The following G6PC3 variants were observed in gnomAD, a reference collection of about 807,000 sequenced individuals.
The protein encoded by G6PC3 is glucose-6-phosphatase catalytic subunit 3.
A neutral mutation model predicts 38.6 loss-of-function variants in G6PC3; 30 were observed. The observed-to-expected ratio is 0.78, with a 90% CI of 0.58 to 1.05. The LOEUF is 1.05. G6PC3 is among the 50% of genes least tolerant of loss of function. The pLI is 0.00. For missense variants in G6PC3, 377 were observed against 443.1 expected (o/e 0.85, Z 1.34); for synonymous variants, 192 against 178.1 (o/e 1.08, Z -0.62).
intron 2 of G6PC3, 102 bp from the exon 3 acceptor site, chr17:44,074,578 C>G: frequency 1.0e-6 from 1 of 973,692 alleles, no homozygotes; most frequent in Non-Finnish European, 1.6e-6. Context: ...TGGGGAAAAG[C>G]TCTTCTCAGC....
In G6PC3 at chr17:44,075,708, G is replaced by A; in HGVS notation, c.706G>A (p.Glu236Lys). ...CATCAGCCTAGCCTTCAAGTGGTGT[G>A]AGCGGCCTGAGTGGATACACGTGGA... ...WSISLAFKWC[E>K]RPEWIHVDSR... The change falls in exon 6 of 6, where the codon GAG (glutamate) becomes AAG (lysine). Residue 236 changes from glutamate (E) to lysine (K), a missense_variant. Transcript: ENST00000269097. 6.2e-7 allele frequency: 1 copy of A among 1,612,360 alleles called. No individual in the cohort carries two copies. Among genetic ancestry groups the A allele is most frequent in the Middle Eastern group, 1.7e-4 (1 of 6,058 alleles).
chr17:44,071,843 G>A (rs749390357), intron 1 of G6PC3: 3 of 431,032 alleles, frequency 7.0e-6, no homozygotes, highest in African/African-American at 2.0e-5. Flanking sequence ...GTAAAGTTTG[G>A]GCTAAAGCAC....
chr17:44,071,229 G>T lies in G6PC3; in HGVS notation c.218+46G>T, dbSNP rs1269632942. On this transcript the variant is annotated intron_variant, in intron 1 of 5. Transcript: ENST00000269097. Reference sequence around the variant, plus strand: ...GGCATCCTGGTCCCCACCCCCGAGGGCCCTGAGTCATGTGTAAGCCCTGGT... The same window carrying T: ...GGCATCCTGGTCCCCACCCCCGAGGTCCCTGAGTCATGTGTAAGCCCTGGT... 3.1e-6 allele frequency: 5 copies of T among 1,591,522 alleles called. No homozygotes were observed. The African/African-American group carries it at 4.0e-5, about 13-fold the overall frequency.
In G6PC3 at chr17:44,070,779, G is replaced by A. The variant is rs1440403277; in HGVS notation, c.-187G>A. On this transcript the variant is annotated 5_prime_UTR_variant, in exon 1 of 6. Transcript: ENST00000269097. ...GGAGAGCGCAGGAGGAAACAGTACC[G>A]GCTGGAGGCCGGTCTTGCAGGAGCG... is the stretch of plus-strand genomic sequence containing the variant. 3 of 691,316 alleles carry A rather than the reference G, an allele frequency of 4.3e-6. No homozygotes were observed. Among genetic ancestry groups the A allele is most frequent in the Non-Finnish European group, 7.7e-6 (3 of 388,832 alleles). 42.8% of individuals were successfully genotyped at this position (691,316 alleles called of 1,614,324 possible).
intron 1 of G6PC3, chr17:44,071,423 G>A: frequency 1.5e-6 from 1 of 685,024 alleles, no homozygotes; most frequent in Non-Finnish European, 2.4e-6. Context: ...CACCTAAGGG[G>A]CGTGTCTAAA....
chr17:44,071,586 CT>C, intron 1 of G6PC3: 2 of 1,220,560 alleles, frequency 1.6e-6, no homozygotes, highest in Non-Finnish European at 2.1e-6. Context: ...TCTCAACTCA[CT>C]TTTTCATTCA....
intron 1 of G6PC3, chr17:44,071,835 A>G (rs1567968144): frequency 6.8e-6 from 3 of 442,300 alleles, no homozygotes; most frequent in Non-Finnish European, 1.4e-5. Flanking sequence ...CGTATGCAGT[A>G]AAGTTTGGGC....
intron 2 of G6PC3, 62 bp from the exon 3 acceptor site, chr17:44,074,618 C>A: frequency 1.4e-6 from 2 of 1,411,828 alleles, no homozygotes; most frequent in Non-Finnish European, 1.0e-6. Context: ...ATTGAGGCAT[C>A]ACCAGGGGCC....
In G6PC3 at chr17:44,075,732, G is replaced by T; in HGVS notation, c.730G>T (p.Asp244Tyr). The change falls in exon 6 of 6, where the codon GAT becomes TAT. Residue 244 changes from aspartate (D) to tyrosine (Y), a missense_variant. Coordinates refer to ENST00000269097, the MANE Select transcript of G6PC3 (RefSeq NM_138387.4). ...WCERPEWIHV[D>Y]SRPFASLSRD... ...TGAGCGGCCTGAGTGGATACACGTG[G>T]ATAGCCGGCCCTTTGCCTCCCTGAG... 6.2e-7 allele frequency: 1 copy of T among 1,612,820 alleles called. No homozygotes were observed.
At chr17:44,075,565 T>C (rs565362354) in intron 5 of G6PC3, 114 bp downstream of exon 5, 4 of 1,597,934 alleles carry the variant, frequency 2.5e-6, no homozygotes, top group Non-Finnish European at 3.4e-6. Flanking sequence ...CCTATTCACA[T>C]AGACCCTCAC....
chr17:44,071,067 T>C lies in G6PC3; in HGVS notation c.102T>C (p.Asp34=), dbSNP rs2049968691. The C allele has an allele frequency of 6.2e-7, 1 of 1,611,722 alleles. No individual in the cohort carries two copies. The highest frequency in any genetic ancestry group is 8.5e-7 in the Non-Finnish European group (1 of 1,178,990). Residue 34 remains aspartate (D), a synonymous_variant, in exon 1 of 6, where the codon GAT becomes GAC. Coordinates refer to ENST00000269097, the MANE Select transcript of G6PC3 (RefSeq NM_138387.4). ...NVWLWITFLG[D]PKILFLFYFP... is the part of the protein sequence containing the mutation. The stretch of plus-strand genomic sequence containing the variant: ...GGCTCTGGATCACCTTTCTGGGCGA[T>C]CCCAAGATCCTCTTTCTGTTCTACT...
chr17:44,075,595 G>C (rs2050082699), intron 5 of G6PC3, 85 bp from the exon 6 acceptor site: 1 of 1,602,514 alleles, frequency 6.2e-7, no homozygotes, highest in Non-Finnish European at 8.5e-7. Flanking sequence ...ACAGAACATG[G>C]GAGTGGGCCC....
rs779143230 is a variant in G6PC3 at position 44,075,889 on chromosome 17, C to T, written c.887C>T (p.Pro296Leu). 43 of 1,612,702 alleles carry T rather than the reference C, an allele frequency of 2.7e-5. No individual in the cohort carries two copies. The highest frequency in any genetic ancestry group is 3.4e-5 in the Non-Finnish European group (40 of 1,180,006). ...CLVLAMGLLG[P>L]LDWLGHPPQI... Reference sequence around the variant, plus strand: ...GTGCTGGCCATGGGGCTGCTGGGCCCCCTGGACTGGCTGGGCCACCCCCCT... The same window carrying T: ...GTGCTGGCCATGGGGCTGCTGGGCCTCCTGGACTGGCTGGGCCACCCCCCT... Residue 296 changes from proline (P) to leucine (L), a missense_variant, in exon 6 of 6, where the codon CCC becomes CTC. Coordinates refer to ENST00000269097, the MANE Select transcript of G6PC3 (RefSeq NM_138387.4).
rs1322365971 is a variant in G6PC3, at chr17:44,071,615, T to C, written c.218+432T>C. 3 of 1,269,936 alleles carry C rather than the reference T, an allele frequency of 2.4e-6. No homozygotes were observed. In the South Asian group the frequency reaches 3.8e-5, roughly 16 times the overall value. The allele number at this position is 1,269,936 out of a possible 1,614,324, so 78.7% of individuals were successfully genotyped here. A position where few individuals can be genotyped will look rare whatever the true frequency, so the allele number is the denominator to read the frequency against. On this transcript the variant is annotated intron_variant, in intron 1 of 5. Transcript: ENST00000269097. Reference sequence around the variant, plus strand: ...TTCATTCATGTATTCATTCATTTGCTATAATTTTTCAGAAGCATGCTTTGT... The same window carrying C: ...TTCATTCATGTATTCATTCATTTGCCATAATTTTTCAGAAGCATGCTTTGT...
At chr17:44,074,795 T>A (rs1013225389) in intron 3 of G6PC3, 25 bp downstream of exon 3, 1 of 1,604,768 alleles carries the variant, frequency 6.2e-7, no homozygotes, top group African/African-American at 1.3e-5. Flanking sequence ...TTGCCCACCA[T>A]TGGGAGCAGG....
intron 1 of G6PC3, chr17:44,071,777 C>T (rs1178678057): frequency 7.6e-6 from 4 of 526,010 alleles, no homozygotes; most frequent in Admixed American, 2.3e-5. Flanking sequence ...GCCAGAGCTA[C>T]TGAATCAAAA....
At chr17:44,071,504 A>T (rs1049147921) in intron 1 of G6PC3, 6 of 622,606 alleles carry the variant, frequency 9.6e-6, no homozygotes, top group Non-Finnish European at 1.5e-5. Flanking sequence ...TTTATTTTTT[A>T]TTTTTTATTT....
intron 2 of G6PC3, 95 bp from the exon 3 acceptor site, chr17:44,074,582 TCTC>T: frequency 9.8e-7 from 1 of 1,022,410 alleles, no homozygotes; most frequent in Non-Finnish European, 1.5e-6. Flanking sequence ...GAAAAGCTCT[TCTC>T]AGCCAGGAAA....
chr17:44,074,297 A>G, intron 2 of G6PC3, 31 bp downstream of exon 2: 2 of 1,505,746 alleles, frequency 1.3e-6, no homozygotes, highest in Non-Finnish European at 1.8e-6. Flanking sequence ...TCCCTTTCCC[A>G]ATGTGGTTAG....
Sources: allele counts gnomAD v4.1 joint callset, GRCh38; gene constraint gnomAD v4.1.1; transcripts MANE v1.5; gene names NCBI Gene and HGNC (gene_info 2026-07-23, HGNC 2026-07-21).